The following UNC79 variants were observed in gnomAD, a reference collection of about 807,000 sequenced individuals.
UNC79 encodes the protein protein unc-79 homolog.
UNC79 carries 37 observed loss-of-function variants against 283.1 expected under a neutral mutation model. The ratio of observed to expected loss-of-function variants is 0.13; its 90% CI spans 0.10 to 0.17. UNC79 has a LOEUF of 0.17. UNC79 is among the 10% of genes least tolerant of loss of function. The probability of loss-of-function intolerance (pLI) is 1.00; values close to 1 mark genes in which losing one functional copy is unlikely to be tolerated. For missense variants in UNC79, 2,272 were observed against 3,211.1 expected (o/e 0.71, Z 7.07); for synonymous variants, 1,107 against 1,200.2 (o/e 0.92, Z 1.61).
intron 39 of UNC79, among the ~76,000 whole-genome samples, chr14:93,659,485 C>G (rs532134225): frequency 6.6e-6 from 1 of 152,244 alleles, no homozygotes; most frequent in Admixed American, 6.5e-5. Flanking sequence ...CTGGGCCATG[C>G]CCCCCAATCC....
intron 5 of UNC79, among the ~76,000 whole-genome samples, chr14:93,492,283 C>A (rs1253043021): frequency 9.2e-5 from 14 of 152,100 alleles, no homozygotes; most frequent in African/African-American, 1.2e-4. Context: ...AAGGAGGGAG[C>A]TGTATGGATT....
intron 1 of UNC79, among the ~76,000 whole-genome samples, chr14:93,454,080 G>A (rs1300552977): frequency 6.9e-6 from 1 of 144,920 alleles, no homozygotes; most frequent in East Asian, 2.0e-4. Flanking sequence ...GGGTCTCGCT[G>A]TGTCACCCAA....
At chr14:93,362,754 G>C (rs180707440) in intron 1 of UNC79, among the ~76,000 whole-genome samples, 1 of 152,014 alleles carries the variant, frequency 6.6e-6, no homozygotes, top group Non-Finnish European at 1.5e-5. Context: ...CTTTTTTCTA[G>C]GTTTTCTAGT....
intron 3 of UNC79, among the ~76,000 whole-genome samples, chr14:93,475,837 C>T (rs931512638): frequency 1.3e-5 from 2 of 152,108 alleles, no homozygotes; most frequent in African/African-American, 2.4e-5. Context: ...TAAATTGTGA[C>T]GATTTCAGGG....
intron 1 of UNC79, among the ~76,000 whole-genome samples, chr14:93,357,707 A>ATG (rs1566889621): frequency 2.4e-5 from 3 of 122,490 alleles, no homozygotes; most frequent in African/African-American, 6.7e-5. Flanking sequence ...ATATATATAT[A>ATG]TATATATATA....
At chr14:93,497,194 T>G (rs1241442626) in exon 7 of UNC79, 1 of 1,613,590 alleles carries the variant, frequency 6.2e-7, no homozygotes, top group East Asian at 2.2e-5. Context: ...CCTTCACAAG[T>G]GAAGCCTCCA....
At chr14:93,466,824 A>G (rs2057205251) in intron 1 of UNC79, 1 of 984,878 alleles carries the variant, frequency 1.0e-6, no homozygotes, top group Non-Finnish European at 1.2e-6. Context: ...GCAAAGAGGA[A>G]TGACTAGAAC....
intron 5 of UNC79, among the ~76,000 whole-genome samples, chr14:93,494,652 A>G (rs1330658043): frequency 6.6e-6 from 1 of 152,118 alleles, no homozygotes; most frequent in Non-Finnish European, 1.5e-5. Flanking sequence ...TGAGTGTGAG[A>G]TTGCTTAGGG....
intron 1 of UNC79, among the ~76,000 whole-genome samples, chr14:93,358,914 A>G (rs937451859): frequency 1.3e-5 from 2 of 152,130 alleles, no homozygotes; most frequent in Admixed American, 1.3e-4. Flanking sequence ...GCGGGCCCCT[A>G]GAGGTGAGGT....
At chr14:93,702,909 A>T (rs2075632564) in intron 47 of UNC79, among the ~76,000 whole-genome samples, 1 of 152,080 alleles carries the variant, frequency 6.6e-6, no homozygotes, top group Admixed American at 6.5e-5. Flanking sequence ...CTCCTTCTTC[A>T]CCCTAATCTG....
intron 39 of UNC79, 111 bp downstream of exon 42, chr14:93,659,372 C>A: frequency 1.3e-6 from 1 of 798,606 alleles, no homozygotes. Flanking sequence ...TGAATGCTTC[C>A]CTTTCAGCCT....
intron 1 of UNC79, among the ~76,000 whole-genome samples, chr14:93,343,837 T>G (rs759483304): frequency 1.3e-5 from 2 of 152,224 alleles, no homozygotes; most frequent in Non-Finnish European, 2.9e-5. Flanking sequence ...AGTTCTTTTA[T>G]ATAACTGCAG....
At position 93,597,935 on chromosome 14, in the gene UNC79, A is replaced by C. The variant is rs138090587; in HGVS notation, c.3372+395A>C. Among the ~76,000 whole-genome samples, 433 of 152,298 alleles carry C rather than the reference A, an allele frequency of 2.8e-3. 1 individual carries two copies. Among genetic ancestry groups the C allele is most frequent in the African/African-American group, 9.5e-3 (394 of 41,556 alleles). On this transcript the variant is annotated intron_variant, in intron 24 of 48. Transcript: ENST00000555664. Reference sequence around the variant, plus strand: ...CATATAATATTGACGATGATGATGGAGATTTTTTAACTGGAAGAAATATAC... The same window carrying C: ...CATATAATATTGACGATGATGATGGCGATTTTTTAACTGGAAGAAATATAC...
intron 1 of UNC79, among the ~76,000 whole-genome samples, chr14:93,424,686 G>T (rs1447041058): frequency 6.6e-6 from 1 of 151,802 alleles, no homozygotes. Context: ...GAGATAGAGA[G>T]TAGAAGGATG....
intron 1 of UNC79, among the ~76,000 whole-genome samples, chr14:93,353,302 C>A (rs2054016090): frequency 6.6e-6 from 1 of 152,126 alleles, no homozygotes; most frequent in South Asian, 2.1e-4. Flanking sequence ...TTCCTGGGCT[C>A]AAGTGATTTT....
exon 38 of UNC79, chr14:93,655,338 C>T (rs1182537986): frequency 6.2e-7 from 1 of 1,614,094 alleles, no homozygotes; most frequent in Admixed American, 1.7e-5. Flanking sequence ...CTCCTAGTAG[C>T]CTCTGGACCA....
At chr14:93,680,899 A>G (rs2073794450) in intron 41 of UNC79, among the ~76,000 whole-genome samples, 1 of 152,170 alleles carries the variant, frequency 6.6e-6, no homozygotes, top group African/African-American at 2.4e-5. Flanking sequence ...CCTTCTGTTC[A>G]CTGTGTACGT....
chr14:93,502,218 C>G (rs2059328830), intron 7 of UNC79, among the ~76,000 whole-genome samples: 1 of 152,094 alleles, frequency 6.6e-6, no homozygotes, highest in South Asian at 2.1e-4. Flanking sequence ...TCGAGACCAT[C>G]CTGGCTAACA....
At chr14:93,647,675 A>G (rs562101432) in intron 35 of UNC79, among the ~76,000 whole-genome samples, 25 of 152,190 alleles carry the variant, frequency 1.6e-4, no homozygotes, top group Non-Finnish European at 2.6e-4. Flanking sequence ...AGAGCCCTGC[A>G]GGTCATTTTA....
Sources: allele counts gnomAD v4.1 joint callset (sites outside exome capture counted in the v4.1 genomes callset), GRCh38; gene constraint gnomAD v4.1.1; transcripts MANE v1.5; gene names NCBI Gene and HGNC (gene_info 2026-07-23, HGNC 2026-07-21).